The following ANKRD36 variants were observed in gnomAD, a reference collection of about 807,000 sequenced individuals.
ANKRD36 encodes the protein ankyrin repeat domain-containing protein 36A.
A neutral mutation model predicts 278.1 loss-of-function variants in ANKRD36; 179 were observed. The ratio of observed to expected loss-of-function variants is 0.64; its 90% CI spans 0.57 to 0.73. The LOEUF (loss-of-function observed/expected upper bound fraction) is 0.73. Ranked by LOEUF, ANKRD36 falls within the 30% of genes least tolerant of loss-of-function variation. The pLI is 0.00. For missense variants in ANKRD36, 1,159 were observed against 1,956.7 expected (o/e 0.59, Z 7.69); for synonymous variants, 320 against 641.1 (o/e 0.50, Z 7.57).
At chr2:97,187,140 G>C (rs1308354165) in intron 30 of ANKRD36, 58 bp from the exon 31 acceptor site, 1 of 1,603,822 alleles carries the variant, frequency 6.2e-7, no homozygotes, top group Admixed American at 1.7e-5. Context: ...CCGCATGAAT[G>C]TATGGAAAAT....
At chr2:97,205,530 A>C (rs1032871965) in intron 50 of ANKRD36, among the ~76,000 whole-genome samples, 1 of 151,542 alleles carries the variant, frequency 6.6e-6, no homozygotes, top group Non-Finnish European at 1.5e-5. Context: ...GAATGTTTGT[A>C]GTATAATTGT....
chr2:97,139,682 A>G (rs1285984230), intron 6 of ANKRD36, among the ~76,000 whole-genome samples: 1 of 152,102 alleles, frequency 6.6e-6, no homozygotes, highest in African/African-American at 2.4e-5. Flanking sequence ...GAAGTATGGG[A>G]AATCCTAGCA....
chr2:97,114,048 G>A, intron 1 of ANKRD36, 112 bp downstream of exon 1: 7 of 1,497,540 alleles, frequency 4.7e-6, no homozygotes, highest in Non-Finnish European at 6.3e-6. Context: ...GGGTTTGGAC[G>A]GGGGCTAGGG....
intron 69 of ANKRD36, among the ~76,000 whole-genome samples, chr2:97,242,084 G>A (rs1212712017): frequency 6.9e-6 from 1 of 143,920 alleles, no homozygotes; most frequent in Non-Finnish European, 1.5e-5. Context: ...GAGGTCAGGA[G>A]TTCGAGACCA....
At chr2:97,205,363 A>G (rs1285610324) in intron 50 of ANKRD36, among the ~76,000 whole-genome samples, 2 of 151,594 alleles carry the variant, frequency 1.3e-5, no homozygotes, top group African/African-American at 4.8e-5. Context: ...CATGGGTGTG[A>G]GAGATAATGA....
intron 6 of ANKRD36, among the ~76,000 whole-genome samples, chr2:97,140,359 T>C (rs1440750774): frequency 6.6e-6 from 1 of 151,918 alleles, no homozygotes. Context: ...CTGGAAGGCA[T>C]AGACATAGTG....
At chr2:97,133,555 A>T (rs1422056503) in intron 6 of ANKRD36, among the ~76,000 whole-genome samples, 1 of 151,892 alleles carries the variant, frequency 6.6e-6, no homozygotes, top group African/African-American at 2.4e-5. Flanking sequence ...ATAATTATGA[A>T]ATTTAAAAAA....
At chr2:97,154,133 G>A (rs1036887130) in intron 14 of ANKRD36, among the ~76,000 whole-genome samples, 2 of 146,412 alleles carry the variant, frequency 1.4e-5, no homozygotes, top group Admixed American at 1.4e-4. Context: ...TAGTGTTCTA[G>A]GGTGAAGAGA....
intron 50 of ANKRD36, among the ~76,000 whole-genome samples, chr2:97,204,790 G>T (rs945806104): frequency 1.3e-4 from 19 of 151,530 alleles, no homozygotes; most frequent in African/African-American, 4.6e-4. Flanking sequence ...GAGGAAACCT[G>T]AGTGAACTCA....
Position 97,183,591 on chromosome 2 carries a change from A to T in ANKRD36, c.1876A>T (p.Lys626Ter), listed in dbSNP as rs1280913292. 1 of 1,559,580 alleles carries T rather than the reference A, an allele frequency of 6.4e-7. No individual in the cohort carries two copies. The highest frequency in any genetic ancestry group is 1.2e-5 in the South Asian group (1 of 84,574). The change falls in exon 28 of 76, where the codon AAA becomes TAA. Residue 626 changes from lysine (K) to a stop codon, truncating the protein, a stop_gained. Coordinates refer to ENST00000420699, the MANE Select transcript of ANKRD36 (RefSeq NM_001354587.1). LOFTEE classifies it high-confidence loss of function. ...TTCTCTTTCCATTCAGGTTATATTT[A>T]AAAAGAAAGTTTCTCTTTTGAATAT... ...QKQSAWKVIF[K>*]KKVSLLNIAT...
Position 97,209,850 on chromosome 2 carries a change from G to A in ANKRD36, c.3345G>A (p.Lys1115=), listed in dbSNP as rs770285077. The change falls in exon 56 of 76, where the codon AAG becomes AAA. Residue 1115 remains lysine, a synonymous_variant. Coordinates refer to ENST00000420699, the MANE Select transcript of ANKRD36 (RefSeq NM_001354587.1). ...TTTTGTATATAGCCAGAGAAAAAAAGGATGGAGAAAAATCTAGGACAGGTA... is the reference window on the plus strand; with the variant it reads ...TTTTGTATATAGCCAGAGAAAAAAAAGATGGAGAAAAATCTAGGACAGGTA... ...DSVLYIAREK[K]DGEKSRTVSS... is the part of the protein sequence containing the mutation. The A allele has an allele frequency of 4.4e-6, 7 of 1,588,884 alleles. No homozygotes were observed. In the South Asian group the frequency reaches 5.7e-5, roughly 13 times the overall value.
intron 15 of ANKRD36, among the ~76,000 whole-genome samples, chr2:97,156,837 A>T (rs1488731849): frequency 1.3e-5 from 2 of 150,298 alleles, no homozygotes; most frequent in African/African-American, 4.9e-5. Flanking sequence ...AGTCCCACCA[A>T]CAGTGTAAAA....
At chr2:97,209,254 AG>A (rs2153621202) in intron 54 of ANKRD36, among the ~76,000 whole-genome samples, 1 of 146,634 alleles carries the variant, frequency 6.8e-6, no homozygotes, top group Admixed American at 6.7e-5. Context: ...CAAGTTAAAG[AG>A]CATGAAGAAT....
chr2:97,203,968 A>C (rs1358711005), intron 48 of ANKRD36, 100 bp from the exon 49 acceptor site: 4 of 1,499,484 alleles, frequency 2.7e-6, no homozygotes, highest in Non-Finnish European at 3.6e-6. Context: ...ATACGCTAAT[A>C]CAGGCAGGAG....
intron 22 of ANKRD36, among the ~76,000 whole-genome samples, chr2:97,170,136 A>G (rs912288885): frequency 1.3e-5 from 2 of 151,930 alleles, no homozygotes; most frequent in African/African-American, 4.8e-5. Flanking sequence ...CTACAACCGT[A>G]TGATCTTTGA....
chr2:97,128,115 A>C (rs868569737), intron 6 of ANKRD36, among the ~76,000 whole-genome samples: 1 of 151,748 alleles, frequency 6.6e-6, no homozygotes, highest in East Asian at 1.9e-4. Context: ...TGTTCACTGA[A>C]TGGAGAAGTA....
In ANKRD36 at chr2:97,128,218, A is replaced by G. The variant is rs796706740; in HGVS notation, c.799+1084A>G. ...ATGATGTTATTATAATTATTAGGCA[A>G]AGTCATCGATCTCAATGAGCTGTCC... On this transcript the variant is annotated intron_variant, in intron 6 of 75. Transcript: ENST00000420699. 1.1e-4 allele frequency among the ~76,000 whole-genome samples: 16 copies of G among 151,376 alleles called. 1 individual carries two copies. Among genetic ancestry groups the G allele is most frequent in the African/African-American group, 3.9e-4 (16 of 41,402 alleles).
rs560887686 is a variant in ANKRD36, at chr2:97,242,610, C to T, written c.4307+1131C>T. 4.7e-3 allele frequency among the ~76,000 whole-genome samples: 680 copies of T among 145,482 alleles called. 5 individuals carry two copies. The highest frequency in any genetic ancestry group is 0.011 in the Middle Eastern group (3 of 282). On this transcript the variant is annotated intron_variant, in intron 69 of 75. Transcript: ENST00000420699. Reference sequence around the variant, plus strand: ...TAACCTAGTCTTGGATTACAGTAATCTGCTGATATATGTTTCATAAAGACA... The same window carrying T: ...TAACCTAGTCTTGGATTACAGTAATTTGCTGATATATGTTTCATAAAGACA...
At chr2:97,171,762 A>C (rs993928520) in intron 22 of ANKRD36, among the ~76,000 whole-genome samples, 1 of 151,852 alleles carries the variant, frequency 6.6e-6, no homozygotes, top group Non-Finnish European at 1.5e-5. Context: ...AAATTAACTC[A>C]AGATAAATTA....
Sources: allele counts gnomAD v4.1 joint callset (sites outside exome capture counted in the v4.1 genomes callset), GRCh38; gene constraint gnomAD v4.1.1; transcripts MANE v1.5; gene names NCBI Gene and HGNC (gene_info 2026-07-23, HGNC 2026-07-21).